SH3RF2: variants seen among roughly 807,000 people sequenced by gnomAD.
SH3RF2 encodes SH3 domain containing ring finger 2.
SH3RF2 carries 43 observed loss-of-function variants against 59.0 expected under a neutral mutation model. That is an observed-to-expected ratio of 0.73 (90% CI 0.57 to 0.94). SH3RF2 has a LOEUF of 0.94. Ranked by LOEUF, SH3RF2 falls within the 40% of genes least tolerant of loss-of-function variation. The probability of loss-of-function intolerance (pLI) is 0.00; values close to 1 mark genes in which losing one functional copy is unlikely to be tolerated. For missense variants in SH3RF2, 930 were observed against 940.1 expected (o/e 0.99, Z 0.14); for synonymous variants, 391 against 391.5 (o/e 1.00, Z 0.01).
At chr5:145,991,919 G>C (rs1239767849) in intron 2 of SH3RF2, among the ~76,000 whole-genome samples, 3 of 152,140 alleles carry the variant, frequency 2.0e-5, no homozygotes, top group African/African-American at 7.2e-5. Flanking sequence ...ATATAGCTTA[G>C]ACCTACAGTA....
chr5:146,017,893 T>C (rs1761166815), intron 5 of SH3RF2, among the ~76,000 whole-genome samples: 1 of 150,480 alleles, frequency 6.6e-6, no homozygotes, highest in African/African-American at 2.4e-5. Context: ...CAAACCCAAA[T>C]CCTTTCAGCC....
intron 5 of SH3RF2, among the ~76,000 whole-genome samples, chr5:146,014,951 T>C (rs1761047871): frequency 6.6e-6 from 1 of 152,170 alleles, no homozygotes; most frequent in Non-Finnish European, 1.5e-5. Flanking sequence ...TGAGGCAAAG[T>C]AATTAAGAAG....
At chr5:145,962,914 T>TA (rs1438524384) in intron 2 of SH3RF2, among the ~76,000 whole-genome samples, 3 of 140,374 alleles carry the variant, frequency 2.1e-5, no homozygotes, top group Admixed American at 7.5e-5. Context: ...TTTTTTTTTT[T>TA]AGAGACGGAG....
At chr5:146,029,622 C>T (rs1761671521) in intron 5 of SH3RF2, among the ~76,000 whole-genome samples, 1 of 152,146 alleles carries the variant, frequency 6.6e-6, no homozygotes, top group African/African-American at 2.4e-5. Context: ...TTTCTCTGCA[C>T]ATAAGCTGAA....
At chr5:146,012,276 T>C (rs2149992098) in intron 4 of SH3RF2, among the ~76,000 whole-genome samples, 1 of 152,344 alleles carries the variant, frequency 6.6e-6, no homozygotes, top group South Asian at 2.1e-4. Flanking sequence ...AGTATTTTAT[T>C]GAGGATTTTT....
Position 146,004,172 on chromosome 5 carries a change from T to G in SH3RF2, c.744+19T>G, listed in dbSNP as rs757126069. 2.5e-6 allele frequency: 4 copies of G among 1,593,096 alleles called. No homozygotes were observed. Among genetic ancestry groups the G allele is most frequent in the Non-Finnish European group, 3.4e-6 (4 of 1,162,842 alleles). ...TGTAGAGGTACGTGAGTATCAAGTC[T>G]ACATCTGATTTACGCATACACAGAA... On this transcript the variant is annotated intron_variant, in intron 4 of 9. Transcript: ENST00000359120.
At position 146,073,427 on chromosome 5, in the gene SH3RF2, C is replaced by CT. The variant is rs1580960466; in HGVS notation, c.*34-5031dup. Among the ~76,000 whole-genome samples the CT allele has an allele frequency of 2.0e-5, 3 of 152,232 alleles. No individual in the cohort carries two copies. The East Asian group carries it at 5.8e-4, about 29-fold the overall frequency. On this transcript the variant is annotated intron_variant, in intron 9 of 9. Coordinates refer to the SH3RF2 transcript ENST00000511217. ...TGCAAATAGGTCTGACACGGACATG[C>CT]TTCCAGCTGGCTGGTGATTTCGATA... is the stretch of plus-strand genomic sequence containing the variant.
chr5:145,980,942 A>G (rs1205167603), intron 2 of SH3RF2, among the ~76,000 whole-genome samples: 3 of 152,218 alleles, frequency 2.0e-5, no homozygotes, highest in African/African-American at 7.2e-5. Context: ...GGCAAAGTCC[A>G]CACATCATAC....
chr5:146,004,533 G>A (rs1372592310), intron 4 of SH3RF2, among the ~76,000 whole-genome samples: 1 of 151,978 alleles, frequency 6.6e-6, no homozygotes, highest in East Asian at 1.9e-4. Context: ...ATAATGTTAG[G>A]CGATGGTATA....
chr5:145,987,906 G>A (rs969225325), intron 2 of SH3RF2, among the ~76,000 whole-genome samples: 19 of 152,094 alleles, frequency 1.2e-4, no homozygotes, highest in Middle Eastern at 3.4e-3. Context: ...CACATTAATC[G>A]TCTCCAAAAC....
intron 3 of SH3RF2, among the ~76,000 whole-genome samples, chr5:146,003,766 T>G (rs1377003487): frequency 6.6e-6 from 1 of 152,218 alleles, no homozygotes; most frequent in Non-Finnish European, 1.5e-5. Flanking sequence ...TCAGATAAAT[T>G]TAAATGAAAA....
chr5:145,980,214 A>G (rs1759457036), intron 2 of SH3RF2, among the ~76,000 whole-genome samples: 1 of 152,188 alleles, frequency 6.6e-6, no homozygotes, highest in South Asian at 2.1e-4. Context: ...AAACGACAAG[A>G]GTTGAAGCTA....
chr5:146,024,322 C>T (rs1761447539), intron 5 of SH3RF2, among the ~76,000 whole-genome samples: 1 of 152,190 alleles, frequency 6.6e-6, no homozygotes, highest in Non-Finnish European at 1.5e-5. Context: ...TTGCATTTCC[C>T]TCATGGCTAA....
chr5:146,068,493 C>G (rs141254961), intron 9 of SH3RF2, among the ~76,000 whole-genome samples: 1 of 152,220 alleles, frequency 6.6e-6, no homozygotes, highest in African/African-American at 2.4e-5. Flanking sequence ...AGTACTAGCA[C>G]TTCCAGAAAC....
Position 146,014,075 on chromosome 5 carries a change from G to A in SH3RF2, c.1059+14G>A, listed in dbSNP as rs769366104. 6.2e-6 allele frequency: 10 copies of A among 1,609,636 alleles called. No homozygotes were observed. Among genetic ancestry groups the A allele is most frequent in the East Asian group, 2.2e-5 (1 of 44,868 alleles). Reference sequence around the variant, plus strand: ...TGTGTGGGACAGGTAGGGAAGAAACGCCTGGGATGAGGGCACTTTGGAGTT... The same window carrying A: ...TGTGTGGGACAGGTAGGGAAGAAACACCTGGGATGAGGGCACTTTGGAGTT... On this transcript the variant is annotated intron_variant, in intron 5 of 9. Transcript: ENST00000359120.
intron 5 of SH3RF2, among the ~76,000 whole-genome samples, chr5:146,033,459 T>C (rs1423265727): frequency 0.012 from 699 of 57,436 alleles, 29 homozygotes; most frequent in African/African-American, 0.028. Context: ...AGCTTTTTTT[T>C]TTTTTTTTTT....
chr5:145,959,914 C>T lies in SH3RF2; in HGVS notation c.378+21608C>T, dbSNP rs971761475. On this transcript the variant is annotated intron_variant, in intron 2 of 9. Transcript: ENST00000359120. The stretch of plus-strand genomic sequence containing the variant: ...GTCTTCCCAGGTCCTCTCTTTGGGT[C>T]ACTAACTCCCAATTCAAAATTCAAG... 7.9e-5 allele frequency among the ~76,000 whole-genome samples: 12 copies of T among 152,070 alleles called. No individual in the cohort carries two copies. In the South Asian group the frequency reaches 2.5e-3, roughly 32 times the overall value.
chr5:145,967,879 C>T (rs879784463), intron 2 of SH3RF2, among the ~76,000 whole-genome samples: 7 of 152,130 alleles, frequency 4.6e-5, no homozygotes, highest in Non-Finnish European at 7.4e-5. Context: ...AGGCTGGTCT[C>T]AAACTCCTGA....
intron 2 of SH3RF2, among the ~76,000 whole-genome samples, chr5:145,980,030 G>A (rs1317234890): frequency 6.6e-6 from 1 of 152,132 alleles, no homozygotes. Flanking sequence ...CTCAGTAATT[G>A]GGAGCTATTA....
Sources: gnomAD v4.1 joint callset for allele counts (sites outside exome capture counted in the v4.1 genomes callset) on GRCh38, gnomAD v4.1.1 for gene constraint, MANE v1.5 for transcripts, NCBI Gene and HGNC (gene_info 2026-07-23, HGNC 2026-07-21) for gene names.